Variants in RUNX3 observed in about 807,000 individuals in gnomAD.
RUNX3 encodes the protein RUNX family transcription factor 3.
A neutral mutation model predicts 27.7 loss-of-function variants in RUNX3; 10 were observed. The ratio of observed to expected loss-of-function variants is 0.36; its 90% CI spans 0.22 to 0.61. The LOEUF (loss-of-function observed/expected upper bound fraction) is 0.61. Ranked by LOEUF, RUNX3 falls within the 20% of genes least tolerant of loss-of-function variation. RUNX3 has a pLI of 0.72. For synonymous variants in RUNX3, 270 were observed against 269.2 expected (o/e 1.00, Z -0.03); for missense variants, 469 against 629.5 (o/e 0.75, Z 2.73).
chr1:24,917,597 A>G (rs772564939), intron 3 of RUNX3, among the ~76,000 whole-genome samples: 1 of 152,248 alleles, frequency 6.6e-6, no homozygotes, highest in Non-Finnish European at 1.5e-5. Flanking sequence ...CACACTGCAG[A>G]TAACAGCCCT....
At chr1:24,953,363 G>GAAAAAAAAAAAAAAAA (rs71577738) in intron 2 of RUNX3, among the ~76,000 whole-genome samples, 3 of 60,604 alleles carry the variant, frequency 5.0e-5, no homozygotes, top group Non-Finnish European at 2.9e-5. Flanking sequence ...GACTCCGTCT[G>GAAAAAAAAAAAAAAAA]AAAAAAAAAA....
At chr1:24,926,935 C>G (rs141573318) in intron 2 of RUNX3, among the ~76,000 whole-genome samples, 2 of 151,856 alleles carry the variant, frequency 1.3e-5, no homozygotes, top group East Asian at 3.9e-4. Flanking sequence ...CCCCCACCCC[C>G]GTCCCGCCTT....
rs116735071 is a variant in RUNX3, at chr1:24,917,818, G to T, written c.544+1422C>A. On this transcript the variant is annotated intron_variant, in intron 3 of 4. Coordinates refer to ENST00000308873, the MANE Select transcript of RUNX3 (RefSeq NM_004350.3). ...GCTCTCTACACCATGGTGGTCTATG[G>T]CTCATGAGGGCTTCCCAGCCATCAC... 5.3e-3 allele frequency among the ~76,000 whole-genome samples: 808 copies of T among 152,304 alleles called. 9 individuals carry two copies. The highest frequency in any genetic ancestry group is 0.019 in the African/African-American group (779 of 41,562).
upstream of RUNX3, among the ~76,000 whole-genome samples, chr1:24,932,724 G>A (rs1444353820): frequency 6.6e-6 from 1 of 152,148 alleles, no homozygotes; most frequent in East Asian, 1.9e-4. Context: ...AAAAATTGTC[G>A]TCTGTTTGAT....
In RUNX3 at chr1:24,904,564, T is replaced by A. The variant is rs1223125821; in HGVS notation, c.704-1898A>T. Reference sequence around the variant, plus strand: ...TCGGGGGGAGAGGTCCTGTTGCAGGTGCTGGGCACGTCAGCACAGCTGAGA... The same window carrying A: ...TCGGGGGGAGAGGTCCTGTTGCAGGAGCTGGGCACGTCAGCACAGCTGAGA... On this transcript the variant is annotated intron_variant, in intron 4 of 4. Transcript: ENST00000308873. The surrounding 1 kb of genome is among the most constrained non-coding windows in gnomAD (Gnocchi z 5.7). Among the ~76,000 whole-genome samples, 1 of 152,112 alleles carries A rather than the reference T, an allele frequency of 6.6e-6. No individual in the cohort carries two copies. Among genetic ancestry groups the A allele is most frequent in the African/African-American group, 2.4e-5 (1 of 41,416 alleles).
rs1283635731 is a variant in RUNX3, at chr1:24,922,195, C to CT, written c.440-2852dup. On this transcript the variant is annotated intron_variant, in intron 2 of 4. Transcript: ENST00000308873. ...TTTCTTTTCTTTCTTTCCTTTCTTT[C>CT]TTTTTTTTTTTTTTCAAGCTTTTAC... Among the ~76,000 whole-genome samples, 525 of 132,478 alleles carry CT rather than the reference C, an allele frequency of 4.0e-3. 3 individuals carry two copies. The highest frequency in any genetic ancestry group is 0.026 in the Middle Eastern group (7 of 274). 86.9% of individuals were successfully genotyped at this position (132,478 alleles called of 152,430 possible).
At chr1:24,929,400 G>C (rs1219181737) in intron 1 of RUNX3, 187 bp downstream of exon 1, 1 of 714,398 alleles carries the variant, frequency 1.4e-6, no homozygotes, top group African/African-American at 1.7e-5. Context: ...ATTCCTGCAG[G>C]GCGCATCCAA....
chr1:24,906,511 A>G (rs1367312151), intron 4 of RUNX3, among the ~76,000 whole-genome samples: 4 of 152,220 alleles, frequency 2.6e-5, no homozygotes, highest in Admixed American at 6.5e-5. Context: ...ACTGACTGAG[A>G]GAACAGAGGA....
At chr1:24,954,294 TG>T (rs2124371805) in intron 2 of RUNX3, among the ~76,000 whole-genome samples, 1 of 152,300 alleles carries the variant, frequency 6.6e-6, no homozygotes, top group East Asian at 1.9e-4. Context: ...GCAGACAGGG[TG>T]GGGACGTTGG....
intron 3 of RUNX3, among the ~76,000 whole-genome samples, chr1:24,915,797 A>G (rs1640877990): frequency 6.6e-6 from 1 of 152,128 alleles, no homozygotes; most frequent in Non-Finnish European, 1.5e-5. Flanking sequence ...TAACGGGCAC[A>G]GGCTAGGGGG....
At chr1:24,919,445 A>G (rs1440759469) in intron 2 of RUNX3, 101 bp from the exon 3 acceptor site, 1 of 723,660 alleles carries the variant, frequency 1.4e-6, no homozygotes, top group Admixed American at 2.4e-5. Flanking sequence ...CTAACTGTCA[A>G]GAAGGGGCAC....
chr1:24,907,447 T>G, intron 3 of RUNX3, 30 bp from the exon 4 acceptor site: 1 of 1,595,802 alleles, frequency 6.3e-7, no homozygotes, highest in Non-Finnish European at 8.6e-7. Flanking sequence ...CATCAGCCGT[T>G]GCTTCCCCAG....
At chr1:24,955,492 T>TG (rs964111603) in intron 2 of RUNX3, among the ~76,000 whole-genome samples, 5 of 152,204 alleles carry the variant, frequency 3.3e-5, no homozygotes, top group Non-Finnish European at 5.9e-5. Flanking sequence ...GAGGATTTAA[T>TG]GGGGAATCCA....
chr1:24,903,274 G>A (rs1349661942), intron 4 of RUNX3, among the ~76,000 whole-genome samples: 2 of 152,224 alleles, frequency 1.3e-5, no homozygotes, highest in African/African-American at 4.8e-5. Context: ...GCACGCGGAG[G>A]TTCTGTGCGC....
intron 2 of RUNX3, among the ~76,000 whole-genome samples, chr1:24,920,862 T>G (rs555413207): frequency 3.3e-4 from 50 of 152,314 alleles, no homozygotes; most frequent in African/African-American, 9.1e-4. Flanking sequence ...GTCTGGGAGT[T>G]TGGGGGTCTG....
intron 3 of RUNX3, among the ~76,000 whole-genome samples, chr1:24,908,322 C>T (rs1640725401): frequency 6.6e-6 from 1 of 151,984 alleles, no homozygotes; most frequent in Non-Finnish European, 1.5e-5. Context: ...ACACGGTGAT[C>T]CAAACCTCTA....
At chr1:24,903,241 C>T (rs933906259) in intron 4 of RUNX3, among the ~76,000 whole-genome samples, 5 of 152,204 alleles carry the variant, frequency 3.3e-5, no homozygotes, top group Non-Finnish European at 5.9e-5. Flanking sequence ...TGGGGACACA[C>T]GTGCCTCTCC....
At chr1:24,929,147 GC>G (rs748576019) in intron 1 of RUNX3, 6 of 465,078 alleles carry the variant, frequency 1.3e-5, no homozygotes, top group African/African-American at 4.0e-5. Flanking sequence ...TGAGCAGGAA[GC>G]TTTTGCGAAG....
chr1:24,913,688 G>A (rs1262583141), intron 3 of RUNX3, among the ~76,000 whole-genome samples: 1 of 152,260 alleles, frequency 6.6e-6, no homozygotes, highest in Non-Finnish European at 1.5e-5. Context: ...GGGTCACGCA[G>A]TGTGGGAGCT....
Sources: gnomAD v4.1 joint callset for allele counts (sites outside exome capture counted in the v4.1 genomes callset) on GRCh38, gnomAD v4.1.1 for gene constraint, Gnocchi (gnomAD v3.1) non-coding constraint, MANE v1.5 for transcripts, NCBI Gene and HGNC (gene_info 2026-07-23, HGNC 2026-07-21) for gene names.